Variants in PRDM15 observed in about 807,000 individuals in gnomAD.
PRDM15 encodes the protein PR domain zinc finger protein 15.
PRDM15 carries 64 observed loss-of-function variants against 128.6 expected under a neutral mutation model. That is an observed-to-expected ratio of 0.50 (90% confidence interval 0.41 to 0.61). The LOEUF is 0.61. Ranked by LOEUF, PRDM15 falls within the 20% of genes least tolerant of loss-of-function variation. The pLI is 0.00. For missense variants in PRDM15, 1,242 were observed against 1,569.1 expected (o/e 0.79, Z 3.52); for synonymous variants, 615 against 621.8 (o/e 0.99, Z 0.16).
At chr21:41,864,132 G>A (rs1296723969) in intron 1 of PRDM15, among the ~76,000 whole-genome samples, 1 of 152,080 alleles carries the variant, frequency 6.6e-6, no homozygotes, top group Non-Finnish European at 1.5e-5. Flanking sequence ...GTCAGCCACC[G>A]CGCCTGGCCT....
chr21:41,824,836 A>T (rs1268834185), intron 13 of PRDM15, among the ~76,000 whole-genome samples: 2 of 152,244 alleles, frequency 1.3e-5, no homozygotes, highest in East Asian at 3.8e-4. Flanking sequence ...AATTTCATAT[A>T]AACACTGAGA....
Position 41,825,996 on chromosome 21 carries a change from G to A in PRDM15, c.1593C>T (p.Tyr531=), listed in dbSNP as rs1483523528. The change falls in exon 13 of 24, where the codon TAC becomes TAT. Residue 531 remains tyrosine, a synonymous_variant. Coordinates refer to ENST00000398548, the MANE Select transcript of PRDM15 (RefSeq NM_001040424.3). ...CCGGGCACCCGGAAGGCTCCTTCTT[G>A]TAACGGACCAGGTTCTCCCCACCGG... ...LEAGGENLVR[Y]KKEPSGCPVC... The A allele has an allele frequency of 3.1e-6, 5 of 1,613,992 alleles. No individual in the cohort carries two copies. The highest frequency in any genetic ancestry group is 3.3e-5 in the Admixed American group (2 of 59,998).
At position 41,857,207 on chromosome 21, in the gene PRDM15, T is replaced by A. The variant is rs763006332; in HGVS notation, c.254A>T (p.Lys85Ile). The A allele has an allele frequency of 1.2e-6, 2 of 1,613,732 alleles. No homozygotes were observed. The highest frequency in any genetic ancestry group is 3.3e-4 in the Middle Eastern group (2 of 6,056). ...GGGAAATGCAGACTCCTTTTCCCAT[T>A]TGGCGACCCTCCTGGACTCAAAGGG... ...FGPFESRRVA[K>I]WEKESAFPLK... Residue 85 changes from lysine (K) to isoleucine (I), a missense_variant, in exon 4 of 24, where the codon AAA becomes ATA. Coordinates refer to ENST00000398548, the MANE Select transcript of PRDM15 (RefSeq NM_001040424.3).
intron 6 of PRDM15, among the ~76,000 whole-genome samples, chr21:41,841,765 G>A (rs1032790947): frequency 6.6e-5 from 10 of 152,278 alleles, no homozygotes; most frequent in Non-Finnish European, 1.3e-4. Context: ...TTAACTGTGT[G>A]CTTCAAATCT....
Position 41,862,148 on chromosome 21 carries a change from C to T in PRDM15, c.-9-1776G>A. Reference sequence around the variant, plus strand: ...GGGCGCACGCTTTCATGAGTTGCTGCTGTGCTACTGGAGGTGTAGGACCTG... The same window carrying T: ...GGGCGCACGCTTTCATGAGTTGCTGTTGTGCTACTGGAGGTGTAGGACCTG... On this transcript the variant is annotated intron_variant, in intron 1 of 23. Transcript: ENST00000398548. This position sits in a 1 kb window ranked among gnomAD's most constrained non-coding sequence, Gnocchi z 4.1. 1.5e-6 allele frequency: 1 copy of T among 667,894 alleles called. No homozygotes were observed. The highest frequency in any genetic ancestry group is 2.7e-6 in the Non-Finnish European group (1 of 371,474). The allele number at this position is 667,894 out of a possible 1,614,324, so 41.4% of individuals were successfully genotyped here.
chr21:41,877,703 T>C (rs953834397), intron 1 of PRDM15: 1 of 152,382 alleles, frequency 6.6e-6, no homozygotes, highest in Admixed American at 6.5e-5. Context: ...AATATAATTA[T>C]TCTAAGACAA....
intron 1 of PRDM15, chr21:41,871,680 G>T: frequency 6.5e-7 from 1 of 1,537,744 alleles, no homozygotes. Flanking sequence ...CCCTCTCCAC[G>T]TGTCTTGAAA....
chr21:41,800,465 T>C lies in PRDM15; in HGVS notation c.*775A>G, dbSNP rs1459587537. On this transcript the variant is annotated 3_prime_UTR_variant, in exon 24 of 24. Transcript: ENST00000398548. ...TAAAACTAAAACACAATATTGGCCA[T>C]AACAGTCTTGAACACATAATGTATG... is the stretch of plus-strand genomic sequence containing the variant. 1 of 150,412 alleles carries C rather than the reference T, an allele frequency of 6.6e-6. No individual in the cohort carries two copies. Among genetic ancestry groups the C allele is most frequent in the East Asian group, 2.0e-4 (1 of 5,122 alleles). 9.3% of individuals were successfully genotyped at this position (150,412 alleles called of 1,614,324 possible).
chr21:41,806,531 C>CCCAT (rs1568883904), intron 21 of PRDM15, among the ~76,000 whole-genome samples: 1 of 3,492 alleles, frequency 2.9e-4, no homozygotes, highest in African/African-American at 7.8e-4. Flanking sequence ...ATCACCACCA[C>CCCAT]CATCACTACC....
At chr21:41,804,657 T>C in intron 21 of PRDM15, 43 bp from the exon 22 acceptor site, 1 of 1,473,064 alleles carries the variant, frequency 6.8e-7, no homozygotes, top group South Asian at 1.3e-5. Context: ...AGGGTGCTGC[T>C]GATGCAGGTG....
chr21:41,826,173 TG>T (rs2062464681), intron 12 of PRDM15, 119 bp from the exon 13 acceptor site: 9 of 758,740 alleles, frequency 1.2e-5, no homozygotes, highest in Non-Finnish European at 2.0e-5. Context: ...CTGCCCACAG[TG>T]GGGACAGAAG....
At chr21:41,823,723 T>G (rs892649439) in intron 13 of PRDM15, among the ~76,000 whole-genome samples, 1 of 152,244 alleles carries the variant, frequency 6.6e-6, no homozygotes, top group Non-Finnish European at 1.5e-5. Flanking sequence ...TTCAGCTCCA[T>G]TTTTTTAAGC....
chr21:41,818,600 G>C (rs2062136809), intron 18 of PRDM15, among the ~76,000 whole-genome samples: 1 of 152,146 alleles, frequency 6.6e-6, no homozygotes. Flanking sequence ...TCTGCAGGCA[G>C]TTCTTTTAGG....
chr21:41,827,084 T>A (rs1239475227), intron 12 of PRDM15, among the ~76,000 whole-genome samples: 1 of 152,122 alleles, frequency 6.6e-6, no homozygotes, highest in Non-Finnish European at 1.5e-5. Context: ...CTGTCTCCCC[T>A]GCATAGGTGA....
At chr21:41,819,995 G>A in intron 17 of PRDM15, 100 bp downstream of exon 17, 1 of 1,014,912 alleles carries the variant, frequency 9.9e-7, no homozygotes, top group South Asian at 1.4e-5. Flanking sequence ...GAGGCAAGGT[G>A]CGACGGCTCT....
chr21:41,820,681 C>T (rs542889310), intron 16 of PRDM15, among the ~76,000 whole-genome samples: 2 of 152,332 alleles, frequency 1.3e-5, no homozygotes, highest in East Asian at 3.9e-4. Flanking sequence ...TGTTAGCGCC[C>T]CTGCACGGGA....
chr21:41,802,853 G>A lies in PRDM15; in HGVS notation c.2802C>T (p.His934=), dbSNP rs1483181610. ...CCTCTTCTGGCTTCTGCTTTCTCTT[G>A]TGACTTCGCTTGGCAGCTTTCCCGT... ...GKHGKAAKRS[H]KRKQKPEEEA... is the part of the protein sequence containing the mutation. The change falls in exon 23 of 24, where the codon CAC becomes CAT. Residue 934 remains histidine, a synonymous_variant. Coordinates refer to ENST00000398548, the MANE Select transcript of PRDM15 (RefSeq NM_001040424.3). 1 of 1,614,132 alleles carries A rather than the reference G, an allele frequency of 6.2e-7. No individual in the cohort carries two copies. Among genetic ancestry groups the A allele is most frequent in the Non-Finnish European group, 8.5e-7 (1 of 1,180,032 alleles).
chr21:41,839,690 C>A lies in PRDM15; in HGVS notation c.804G>T (p.Arg268Ser), dbSNP rs201971425. The A allele has an allele frequency of 5.0e-6, 8 of 1,614,146 alleles. No individual in the cohort carries two copies. Among genetic ancestry groups the A allele is most frequent in the African/African-American group, 2.7e-5 (2 of 74,950 alleles). The change falls in exon 7 of 24, where the codon AGG (arginine) becomes AGT (serine). Residue 268 changes from arginine (R) to serine (S), a missense_variant. Arg to Ser is a moderately radical substitution (Grantham distance 110). Around this residue, in one of 3 missense-constraint regions of PRDM15, gnomAD observed 612 missense variants for 717.0 expected, o/e 0.85. Transcript: ENST00000398548. ...ATKEQKKKPR[R>S]GRKPKVSKAE... ...CTTTGGACACTTTGGGTTTTCTCCC[C>A]CTTCGAGGCTTTTTCTTCTGTTCTT...
chr21:41,831,702 T>G (rs1231147449), intron 11 of PRDM15, among the ~76,000 whole-genome samples: 4 of 152,216 alleles, frequency 2.6e-5, no homozygotes, highest in African/African-American at 9.6e-5. Flanking sequence ...GGTGCCACCC[T>G]CAGGACAGGG....
Sources: allele counts gnomAD v4.1 joint callset (sites outside exome capture counted in the v4.1 genomes callset), GRCh38; gene constraint gnomAD v4.1.1; regional missense constraint gnomAD v4.1.1; non-coding constraint Gnocchi (gnomAD v3.1); transcripts MANE v1.5; gene names NCBI Gene and HGNC (gene_info 2026-07-23, HGNC 2026-07-21).